The following AOAH variants were observed in gnomAD, a reference collection of about 807,000 sequenced individuals.
The protein encoded by AOAH is acyloxyacyl hydrolase (neutrophil).
In AOAH, 64 loss-of-function variants were observed where a neutral mutation model predicts 92.2. The observed-to-expected ratio is 0.69, with a 90% CI of 0.57 to 0.86. The LOEUF (loss-of-function observed/expected upper bound fraction) is 0.86, where lower values mean the gene tolerates loss of function less well. Among genes scored for constraint, AOAH ranks in the 40% least tolerant of loss-of-function variants. The pLI, the probability that AOAH is intolerant of heterozygous loss-of-function variation, is 0.00. For missense variants in AOAH, 656 were observed against 694.6 expected (o/e 0.94, Z 0.62); for synonymous variants, 263 against 254.5 (o/e 1.03, Z -0.32).
intron 19 of AOAH, among the ~76,000 whole-genome samples, chr7:36,527,285 G>A (rs1461893318): frequency 6.6e-6 from 1 of 152,134 alleles, no homozygotes; most frequent in African/African-American, 2.4e-5. Context: ...TCTGTCACAA[G>A]GATGTGAAAT....
chr7:36,719,116 A>T (rs2117031544), intron 1 of AOAH, among the ~76,000 whole-genome samples: 1 of 152,352 alleles, frequency 6.6e-6, no homozygotes, highest in East Asian at 1.9e-4. Context: ...CCTACCAAAC[A>T]AGGATAATGA....
chr7:36,524,387 C>A (rs1784275780), intron 19 of AOAH, among the ~76,000 whole-genome samples: 1 of 151,892 alleles, frequency 6.6e-6, no homozygotes, highest in Admixed American at 6.6e-5. Flanking sequence ...TGGCTCACAC[C>A]TGTAATCCCA....
chr7:36,635,839 A>G (rs1052805947), intron 5 of AOAH, among the ~76,000 whole-genome samples: 2 of 152,132 alleles, frequency 1.3e-5, no homozygotes, highest in African/African-American at 4.8e-5. Context: ...TCATCTATAA[A>G]ATGGGGCTGA....
rs77781757 is a variant in AOAH at position 36,695,126 on chromosome 7, T to C, written c.128-8332A>G. ...CAAATTTAGAAATATAACAAAAGAA[T>C]AGAAGAAGATCCAAAGCCCACAAAT... is the stretch of plus-strand genomic sequence containing the variant. On this transcript the variant is annotated intron_variant, in intron 1 of 20. Coordinates refer to ENST00000617537, the MANE Select transcript of AOAH (RefSeq NM_001637.4). 5.7e-3 allele frequency among the ~76,000 whole-genome samples: 871 copies of C among 152,208 alleles called. 8 individuals carry two copies. The highest frequency in any genetic ancestry group is 0.02 in the African/African-American group (819 of 41,540).
At chr7:36,653,541 C>T (rs572550260) in intron 4 of AOAH, among the ~76,000 whole-genome samples, 2 of 152,274 alleles carry the variant, frequency 1.3e-5, no homozygotes, top group African/African-American at 2.4e-5. Flanking sequence ...TACACACCCT[C>T]CCCCACACTC....
chr7:36,637,233 G>A (rs1562646108), intron 5 of AOAH, among the ~76,000 whole-genome samples: 1 of 152,128 alleles, frequency 6.6e-6, no homozygotes, highest in South Asian at 2.1e-4. Context: ...CACATTTATC[G>A]AGGACTTGGT....
intron 1 of AOAH, among the ~76,000 whole-genome samples, chr7:36,692,105 G>A (rs1797437104): frequency 6.6e-6 from 1 of 152,222 alleles, no homozygotes; most frequent in Admixed American, 6.5e-5. Flanking sequence ...GGTTGTGTAA[G>A]TGTGGGGTGG....
rs1020659296 is a variant in AOAH at position 36,594,343 on chromosome 7, C to G, written c.934G>C (p.Val312Leu). The G allele has an allele frequency of 6.2e-7, 1 of 1,613,146 alleles. No individual in the cohort carries two copies. The highest frequency in any genetic ancestry group is 8.5e-7 in the Non-Finnish European group (1 of 1,179,126). The change falls in exon 12 of 21, where the codon GTT becomes CTT. Residue 312 changes from valine to leucine, a missense_variant. Physicochemically the swap from Val to Leu is conservative, Grantham distance 32 (BLOSUM62 1). Coordinates refer to ENST00000617537, the MANE Select transcript of AOAH (RefSeq NM_001637.4). The stretch of plus-strand genomic sequence containing the variant: ...AGGGTGCACAAAGACACTTACCCAA[C>G]AGTGGAGTCCAGAAATCCTGTAGCA... ...SGATGFLDST[V>L]GIKEKSIYLR...
chr7:36,677,768 G>A (rs752932706), intron 2 of AOAH, among the ~76,000 whole-genome samples: 11 of 152,148 alleles, frequency 7.2e-5, no homozygotes, highest in Admixed American at 2.6e-4. Flanking sequence ...TTATTCAGCC[G>A]TAAAAAGTAA....
intron 20 of AOAH, among the ~76,000 whole-genome samples, chr7:36,519,089 C>T (rs186324188): frequency 2.0e-3 from 300 of 152,304 alleles, no homozygotes; most frequent in African/African-American, 6.9e-3. Flanking sequence ...CCCTCCACGC[C>T]GCTACTACAG....
intron 11 of AOAH, among the ~76,000 whole-genome samples, chr7:36,615,477 T>TAAG (rs911437944): frequency 7.2e-5 from 11 of 152,280 alleles, no homozygotes; most frequent in African/African-American, 2.4e-4. Flanking sequence ...CAGGTTTTGT[T>TAAG]ACATTTCCTC....
chr7:36,688,055 G>A (rs754882481), intron 1 of AOAH, among the ~76,000 whole-genome samples: 1 of 152,100 alleles, frequency 6.6e-6, no homozygotes, highest in African/African-American at 2.4e-5. Flanking sequence ...GGATTACCAC[G>A]GTCTTCCTGG....
At chr7:36,552,000 A>G (rs1043166886) in intron 13 of AOAH, among the ~76,000 whole-genome samples, 3 of 152,206 alleles carry the variant, frequency 2.0e-5, no homozygotes, top group African/African-American at 7.2e-5. Flanking sequence ...GGGACAATTG[A>G]TCCCATCACC....
At chr7:36,565,148 C>G (rs561235911) in intron 13 of AOAH, among the ~76,000 whole-genome samples, 13 of 152,270 alleles carry the variant, frequency 8.5e-5, no homozygotes, top group African/African-American at 3.1e-4. Context: ...TATCTATAAG[C>G]ATTTGCCTTT....
At chr7:36,517,284 CTT>C in intron 20 of AOAH, among the ~76,000 whole-genome samples, 1 of 145,058 alleles carries the variant, frequency 6.9e-6, no homozygotes, top group African/African-American at 2.6e-5. Flanking sequence ...TTCTTTCTTT[CTT>C]TCTTTCTTTC....
At position 36,582,990 on chromosome 7, in the gene AOAH, G is replaced by C. The variant is rs570179311; in HGVS notation, c.939-6334C>G. Among the ~76,000 whole-genome samples, 53 of 152,080 alleles carry C rather than the reference G, an allele frequency of 3.5e-4. 1 individual carries two copies. The South Asian group carries it at 0.011, about 31-fold the overall frequency. On this transcript the variant is annotated intron_variant, in intron 12 of 20. Coordinates refer to ENST00000617537, the MANE Select transcript of AOAH (RefSeq NM_001637.4). ...CTCCTGAGTAGCTGGGATTATAAGCGCATGCCACCATGCCCAGCTAATTTT... is the reference window on the plus strand; with the variant it reads ...CTCCTGAGTAGCTGGGATTATAAGCCCATGCCACCATGCCCAGCTAATTTT...
At position 36,594,330 on chromosome 7, in the gene AOAH, G is replaced by C. The variant is rs748475580; in HGVS notation, c.938+9C>G. On this transcript the variant is annotated intron_variant, in intron 12 of 20. Coordinates refer to ENST00000617537, the MANE Select transcript of AOAH (RefSeq NM_001637.4). ...ATTGAAATGTCTGAGGGTGCACAAA[G>C]ACACTTACCCAACAGTGGAGTCCAG... is the stretch of plus-strand genomic sequence containing the variant. The C allele has an allele frequency of 1.2e-6, 2 of 1,609,392 alleles. No homozygotes were observed. Among genetic ancestry groups the C allele is most frequent in the Admixed American group, 3.3e-5 (2 of 60,002 alleles).
At chr7:36,517,262 C>CTCTCTCTTTCTTTCTT (rs1783832509) in intron 20 of AOAH, among the ~76,000 whole-genome samples, 6 of 132,588 alleles carry the variant, frequency 4.5e-5, no homozygotes, top group African/African-American at 1.9e-4. Context: ...CTGTGTCTCT[C>CTCTCTCTTTCTTTCTT]TCTTTCTTTC....
In AOAH at chr7:36,564,136, C is replaced by T. The variant is rs944912635; in HGVS notation, c.1021+12438G>A. On this transcript the variant is annotated intron_variant, in intron 13 of 20. Transcript: ENST00000617537. ...TCCCTCTTCCTCAAAGATGTTTACC[C>T]CTCAGAGCCTCCCAGCTCTGAGTCA... 5.3e-5 allele frequency among the ~76,000 whole-genome samples: 8 copies of T among 152,306 alleles called. No individual in the cohort carries two copies. In the Middle Eastern group the frequency reaches 0.014, roughly 259 times the overall value.
Sources: allele counts gnomAD v4.1 joint callset (sites outside exome capture counted in the v4.1 genomes callset), GRCh38; gene constraint gnomAD v4.1.1; transcripts MANE v1.5; gene names NCBI Gene and HGNC (gene_info 2026-07-23, HGNC 2026-07-21).